Variants in PLCL2 observed in about 807,000 individuals in gnomAD.
The protein encoded by PLCL2 is inactive phospholipase C-like protein 2.
In PLCL2, 4 loss-of-function variants were observed where a neutral mutation model predicts 79.6. The observed-to-expected ratio is 0.05, with a 90% CI of 0.02 to 0.11. The LOEUF (loss-of-function observed/expected upper bound fraction) is 0.11, where lower values mean the gene tolerates loss of function less well. Among genes scored for constraint, PLCL2 ranks in the 10% least tolerant of loss-of-function variants. PLCL2 has a pLI of 1.00. For synonymous variants in PLCL2, 484 were observed against 457.7 expected (o/e 1.06, Z -0.73); for missense variants, 895 against 1,291.0 (o/e 0.69, Z 4.70).
intron 5 of PLCL2, among the ~76,000 whole-genome samples, chr3:17,073,090 T>C (rs1166380590): frequency 6.6e-6 from 1 of 152,228 alleles, no homozygotes; most frequent in South Asian, 2.1e-4. Flanking sequence ...GTCAGCATCA[T>C]TTTTTGTGTG....
rs769511801 is a variant in PLCL2, at chr3:17,009,007, C to T, written c.328-667C>T. Among the ~76,000 whole-genome samples the T allele has an allele frequency of 2.0e-5, 3 of 147,784 alleles. No individual in the cohort carries two copies. The highest frequency in any genetic ancestry group is 4.5e-5 in the Non-Finnish European group (3 of 66,990). On this transcript the variant is annotated intron_variant, in intron 1 of 5. Transcript: ENST00000615277. This position sits in a 1 kb window ranked among gnomAD's most constrained non-coding sequence, Gnocchi z 4.0. The stretch of plus-strand genomic sequence containing the variant: ...TAATTAATTTTTTTTTTTTTTGAGA[C>T]GGATTCTCACTCTGTTGCCCAGGCT...
rs2064218567 is a variant in PLCL2 at position 17,002,208 on chromosome 3, A to T, written c.328-7466A>T. 2.0e-5 allele frequency among the ~76,000 whole-genome samples: 3 copies of T among 152,076 alleles called. No homozygotes were observed. The South Asian group carries it at 6.2e-4, about 31-fold the overall frequency. ...AATGATACTATTAGTAAAGATACTA[A>T]TTTTTTATCTTGCAACTTTGCTGAA... On this transcript the variant is annotated intron_variant, in intron 1 of 5. Coordinates refer to ENST00000615277, the MANE Select transcript of PLCL2 (RefSeq NM_001144382.2).
chr3:17,016,593 G>T (rs1392944338), intron 3 of PLCL2, among the ~76,000 whole-genome samples: 1 of 152,210 alleles, frequency 6.6e-6, no homozygotes, highest in African/African-American at 2.4e-5. Flanking sequence ...TCCACCAGGA[G>T]AGAAAGTGAG....
chr3:16,908,305 A>G (rs998261633), intron 1 of PLCL2, among the ~76,000 whole-genome samples: 11 of 152,144 alleles, frequency 7.2e-5, no homozygotes, highest in Admixed American at 2.0e-4. Context: ...ACCATCCACA[A>G]TATTATTATA....
At chr3:17,045,924 G>T (rs1423570225) in intron 4 of PLCL2, among the ~76,000 whole-genome samples, 2 of 152,170 alleles carry the variant, frequency 1.3e-5, no homozygotes, top group Non-Finnish European at 2.9e-5. Flanking sequence ...TGTCATAGGA[G>T]AACACCAACT....
intron 1 of PLCL2, among the ~76,000 whole-genome samples, chr3:16,898,398 C>T (rs1696535749): frequency 6.6e-6 from 1 of 151,794 alleles, no homozygotes; most frequent in Non-Finnish European, 1.5e-5. Context: ...CAGATCTTAC[C>T]CATCTTCATT....
At position 16,920,880 on chromosome 3, in the gene PLCL2, CATTT is replaced by C. The variant is rs377679040; in HGVS notation, c.327+35517_327+35520del. 3.4e-4 allele frequency among the ~76,000 whole-genome samples: 52 copies of C among 152,220 alleles called. No homozygotes were observed. In the East Asian group the frequency reaches 8.3e-3, roughly 24 times the overall value. The stretch of plus-strand genomic sequence containing the variant: ...CTATAAATGTGTTTTGGTAATTCCA[CATTT>C]ATAGCTTTCCTTTATTTTTGTCCTT... On this transcript the variant is annotated intron_variant, in intron 1 of 5. Transcript: ENST00000615277.
Position 17,010,403 on chromosome 3 carries a change from A to T in PLCL2, c.1057A>T (p.Ser353Cys), listed in dbSNP as rs746484433. The change falls in exon 2 of 6, where the codon AGC (serine) becomes TGC (cysteine). Residue 353 changes from serine (S) to cysteine (C), a missense_variant. Physicochemically the swap from Ser to Cys is moderately radical, Grantham distance 112 (BLOSUM62 -1). Around this residue, in one of 6 missense-constraint regions of PLCL2, gnomAD observed 93 missense variants for 93.2 expected, o/e 1.00. Transcript: ENST00000615277. This position sits in a 1 kb window ranked among gnomAD's most constrained non-coding sequence, Gnocchi z 5.8. ...EIYFLLVQFS[S>C]NKEFLDTKDL... ...TTATTTCCTTTTAGTTCAGTTTTCA[A>T]GCAATAAAGAATTCCTTGATACCAA... The T allele has an allele frequency of 6.2e-7, 1 of 1,613,854 alleles. No individual in the cohort carries two copies. The highest frequency in any genetic ancestry group is 1.1e-5 in the South Asian group (1 of 91,082).
intron 1 of PLCL2, among the ~76,000 whole-genome samples, chr3:16,928,397 A>G (rs553448496): frequency 1.3e-5 from 2 of 152,342 alleles, no homozygotes; most frequent in African/African-American, 4.8e-5. Flanking sequence ...TCTGTGTATA[A>G]TAATTGAGGC....
intron 3 of PLCL2, among the ~76,000 whole-genome samples, chr3:17,034,973 G>A (rs1292818453): frequency 2.0e-5 from 3 of 151,946 alleles, no homozygotes; most frequent in South Asian, 2.1e-4. Flanking sequence ...TCCTGCCCTC[G>A]GACCACTCTT....
At chr3:16,992,396 A>T (rs186314946) in intron 1 of PLCL2, among the ~76,000 whole-genome samples, 36 of 152,218 alleles carry the variant, frequency 2.4e-4, no homozygotes, top group African/African-American at 8.7e-4. Flanking sequence ...TTGTGAAGGG[A>T]ACCACTAACT....
At chr3:17,036,742 T>G (rs894700125) in intron 3 of PLCL2, among the ~76,000 whole-genome samples, 1 of 152,208 alleles carries the variant, frequency 6.6e-6, no homozygotes, top group Non-Finnish European at 1.5e-5. Flanking sequence ...CATTTTGTGT[T>G]GTTGAAACAG....
At chr3:17,045,218 T>C (rs1026684838) in intron 4 of PLCL2, among the ~76,000 whole-genome samples, 1 of 152,198 alleles carries the variant, frequency 6.6e-6, no homozygotes. Context: ...CCAACAGATA[T>C]AGGTCACCAA....
chr3:16,952,360 CAAAAAA>C (rs35421244), intron 1 of PLCL2, among the ~76,000 whole-genome samples: 3 of 22,616 alleles, frequency 1.3e-4, no homozygotes, highest in Admixed American at 8.6e-4. Flanking sequence ...GAACTTAAAG[CAAAAAA>C]AAAAAAAAAA....
intron 1 of PLCL2, among the ~76,000 whole-genome samples, chr3:16,925,286 T>TA (rs911982638): frequency 1.3e-5 from 2 of 151,994 alleles, no homozygotes; most frequent in African/African-American, 4.8e-5. Context: ...CATGTACACT[T>TA]AGAATTCCAA....
chr3:16,964,257 G>A (rs1021702944), intron 1 of PLCL2, among the ~76,000 whole-genome samples: 6 of 148,304 alleles, frequency 4.0e-5, no homozygotes, highest in Non-Finnish European at 8.9e-5. Flanking sequence ...ACCTGTGAGT[G>A]AGAACATGCG....
At position 16,948,719 on chromosome 3, in the gene PLCL2, G is replaced by C. The variant is rs189428111; in HGVS notation, c.328-60955G>C. 1.6e-3 allele frequency among the ~76,000 whole-genome samples: 239 copies of C among 152,130 alleles called. 1 individual carries two copies. Among genetic ancestry groups the C allele is most frequent in the Non-Finnish European group, 2.5e-3 (169 of 68,000 alleles). On this transcript the variant is annotated intron_variant, in intron 1 of 5. Coordinates refer to ENST00000615277, the MANE Select transcript of PLCL2 (RefSeq NM_001144382.2). ...ATCTCTTTGAAACTCTATTTAGATG[G>C]GAATGAATAGAGAACAGATTCCTTA...
At chr3:16,892,679 G>T (rs1271218758) in intron 1 of PLCL2, among the ~76,000 whole-genome samples, 1 of 152,154 alleles carries the variant, frequency 6.6e-6, no homozygotes, top group East Asian at 1.9e-4. Context: ...TCATGTAATG[G>T]TAGAAATTCT....
intron 1 of PLCL2, among the ~76,000 whole-genome samples, chr3:16,918,031 C>T (rs552151094): frequency 2.6e-5 from 4 of 152,222 alleles, no homozygotes; most frequent in African/African-American, 9.6e-5. Flanking sequence ...TGGATGAGTA[C>T]GTGAATATCC....
Sources: allele counts gnomAD v4.1 joint callset (sites outside exome capture counted in the v4.1 genomes callset), GRCh38; gene constraint gnomAD v4.1.1; regional missense constraint gnomAD v4.1.1; non-coding constraint Gnocchi (gnomAD v3.1); transcripts MANE v1.5; gene names NCBI Gene and HGNC (gene_info 2026-07-23, HGNC 2026-07-21).